Variants in SPTBN2 observed in about 807,000 individuals in gnomAD.
SPTBN2 encodes the protein spectrin beta, non-erythrocytic 2, also known as spectrin beta chain, non-erythrocytic 2.
A neutral mutation model predicts 284.2 loss-of-function variants in SPTBN2; 107 were observed. The observed-to-expected ratio is 0.38, with a 90% confidence interval of 0.32 to 0.44. The LOEUF is 0.44. Among genes scored for constraint, SPTBN2 ranks in the 20% least tolerant of loss-of-function variants. SPTBN2 has a pLI of 1.00. For missense variants in SPTBN2, 2,569 were observed against 3,287.1 expected, an observed-to-expected ratio of 0.78 and a Z score of 5.34; for synonymous variants, 1,289 against 1,354.8, an observed-to-expected ratio of 0.95 and a Z score of 1.07.
chr11:66,704,503 A>G, intron 15 of SPTBN2, 95 bp downstream of exon 15: 1 of 1,395,944 alleles, frequency 7.2e-7, no homozygotes, highest in Non-Finnish European at 9.7e-7. Context: ...CAAAGGGGTG[A>G]GGCAGGAAGT....
At chr11:66,721,552 G>T (rs561480573) in intron 1 of SPTBN2, 112 bp from the exon 2 acceptor site, 40 of 434,084 alleles carry the variant, frequency 9.2e-5, no homozygotes, top group East Asian at 5.0e-5. Context: ...AGAGAGGGAC[G>T]GGTTTGCGGG....
In SPTBN2 at chr11:66,687,099, G is replaced by C; in HGVS notation, c.6791C>G (p.Ala2264Gly). 1.2e-6 allele frequency: 2 copies of C among 1,614,100 alleles called. No homozygotes were observed. Among genetic ancestry groups the C allele is most frequent in the South Asian group, 1.1e-5 (1 of 91,086 alleles). ...SLGFYKDAKA[A>G]SAGVPYHGEV... ...TCCGTGGTATGGCACTCCCGCGCTG[G>C]CTGCCTTGGCATCCTTGTAAAAGCC... The change falls in exon 36 of 38, where the codon GCC (alanine) becomes GGC (glycine). Residue 2264 changes from alanine to glycine, a missense_variant. Ala to Gly is a moderately conservative substitution (Grantham distance 60). Transcript: ENST00000533211. The surrounding 1 kb of genome is among the most constrained non-coding windows in gnomAD (Gnocchi z 5.2).
Position 66,705,202 on chromosome 11 carries a change from C to A in SPTBN2, c.2074G>T (p.Gly692Cys). Residue 692 changes from glycine (G) to cysteine (C), a missense_variant, in exon 15 of 38, where the codon GGC becomes TGC. Coordinates refer to ENST00000533211, the MANE Select transcript of SPTBN2 (RefSeq NM_006946.4). ...GTGAGCTTCAGGGGCCCCAGCCGGC[C>A]GCTCATCTCGCCCCGCAGGGCTGTG... is the stretch of plus-strand genomic sequence containing the variant. The part of the protein sequence containing the change: ...KHTALRGEMS[G>C]RLGPLKLTLE... The A allele has an allele frequency of 6.5e-7, 1 of 1,537,788 alleles. No individual in the cohort carries two copies. Among genetic ancestry groups the A allele is most frequent in the Non-Finnish European group, 8.7e-7 (1 of 1,144,920 alleles).
chr11:66,699,487 A>G lies in SPTBN2; in HGVS notation c.3695T>C (p.Leu1232Pro). ...AGATACCAGCTGGCGGCCAGCCTCC[A>G]GGAGCCCGTGGATCCGTTCCCCATT... ...DANGERIHGL[L>P]EAGRQLVSEG... is the part of the protein sequence containing the mutation. The change falls in exon 18 of 38, where the codon CTG (leucine) becomes CCG (proline). Residue 1232 changes from leucine (L) to proline (P), a missense_variant. By Grantham distance (98) the Leu-to-Pro change is moderately conservative. Coordinates refer to ENST00000533211, the MANE Select transcript of SPTBN2 (RefSeq NM_006946.4). The G allele has an allele frequency of 6.2e-7, 1 of 1,614,158 alleles. No homozygotes were observed. Among genetic ancestry groups the G allele is most frequent in the Non-Finnish European group, 8.5e-7 (1 of 1,180,024 alleles).
chr11:66,692,492 T>C, intron 26 of SPTBN2, 44 bp downstream of exon 26: 1 of 1,596,772 alleles, frequency 6.3e-7, no homozygotes, highest in African/African-American at 1.3e-5. Context: ...GGTCCTCCAC[T>C]CTTCCCACGG....
At chr11:66,741,019 G>A (rs918974051) in intron 1 of SPTBN2, among the ~76,000 whole-genome samples, 1 of 152,164 alleles carries the variant, frequency 6.6e-6, no homozygotes, top group Non-Finnish European at 1.5e-5. Context: ...CCTTGAGTTT[G>A]GGTCAGAATC....
rs1175824152 is a variant in SPTBN2 at position 66,708,866 on chromosome 11, G to C, written c.1191+36C>G. 1.3e-6 allele frequency: 2 copies of C among 1,577,494 alleles called. No individual in the cohort carries two copies. The highest frequency in any genetic ancestry group is 1.7e-6 in the Non-Finnish European group (2 of 1,147,296). ...GTGCAAGGCATCTGGGCCAGGGCCT[G>C]CCCTGAGGGTGGGTGGCCTGTGGGC... is the stretch of plus-strand genomic sequence containing the variant. On this transcript the variant is annotated intron_variant, in intron 11 of 37. Coordinates refer to ENST00000533211, the MANE Select transcript of SPTBN2 (RefSeq NM_006946.4). This position sits in a 1 kb window ranked among gnomAD's most constrained non-coding sequence, Gnocchi z 4.4.
intron 1 of SPTBN2, chr11:66,728,345 G>A (rs1942715417): frequency 6.9e-6 from 1 of 145,600 alleles, no homozygotes; most frequent in South Asian, 2.0e-4. Flanking sequence ...GGCGGCGGCG[G>A]GGCGCGTGGC....
In SPTBN2 at chr11:66,688,296, T is replaced by C. The variant is rs780940474; in HGVS notation, c.6247A>G (p.Lys2083Glu). 13 of 1,600,998 alleles carry C rather than the reference T, an allele frequency of 8.1e-6. No homozygotes were observed. Among genetic ancestry groups the C allele is most frequent in the Non-Finnish European group, 1.0e-5 (12 of 1,173,814 alleles). The stretch of plus-strand genomic sequence containing the variant: ...TCCTCCCTCTTTCTCTTTCGCTCCT[T>C]CTCCCGCTCCTCTAGCTGTCAAAAA... ...EKLTALEERE[K>E]ERKRKREEEE... The change falls in exon 32 of 38, where the codon AAG becomes GAG. Residue 2083 changes from lysine to glutamate, a missense_variant. This residue lies in a region of SPTBN2 where 1,130 missense variants were observed against 1,317.3 expected (regional missense o/e 0.86). Transcript: ENST00000533211.
rs1941772201 is a variant in SPTBN2, at chr11:66,710,030, A to G, written c.1073+552T>C. Among the ~76,000 whole-genome samples the G allele has an allele frequency of 6.6e-6, 1 of 152,164 alleles. No homozygotes were observed. The highest frequency in any genetic ancestry group is 2.4e-5 in the African/African-American group (1 of 41,438). ...CGCACTGACTCAACACATCATAGCA[A>G]TCATTTCCACAGCATGTTTGTTTGT... On this transcript the variant is annotated intron_variant, in intron 10 of 37. Transcript: ENST00000533211. The surrounding 1 kb of genome is among the most constrained non-coding windows in gnomAD (Gnocchi z 4.9).
chr11:66,702,475 G>A (rs1941300467), intron 15 of SPTBN2, among the ~76,000 whole-genome samples: 1 of 152,052 alleles, frequency 6.6e-6, no homozygotes, highest in African/African-American at 2.4e-5. Flanking sequence ...GACATTTGAT[G>A]TTCTAATAGG....
rs886048547 is a variant in SPTBN2, at chr11:66,689,883, C to G, written c.5871G>C (p.Glu1957Asp). 1.9e-6 allele frequency: 3 copies of G among 1,614,208 alleles called. No individual in the cohort carries two copies. Among genetic ancestry groups the G allele is most frequent in the Non-Finnish European group, 2.5e-6 (3 of 1,180,042 alleles). ...KNQQGIKAEI[E>D]ARADRFSSCI... Reference sequence around the variant, plus strand: ...AGGAGGAGAAGCGGTCTGCCCGGGCCTCTATCTCTGCCTTGATGCCTTGCT... The same window carrying G: ...AGGAGGAGAAGCGGTCTGCCCGGGCGTCTATCTCTGCCTTGATGCCTTGCT... The change falls in exon 29 of 38, where the codon GAG becomes GAC. Residue 1957 changes from glutamate to aspartate, a missense_variant. Transcript: ENST00000533211.
chr11:66,714,703 CA>C (rs1942053163), intron 5 of SPTBN2, among the ~76,000 whole-genome samples: 1 of 152,052 alleles, frequency 6.6e-6, no homozygotes, highest in African/African-American at 2.4e-5. Context: ...GCTGGCTCTC[CA>C]AGGTCTCTAA....
intron 1 of SPTBN2, chr11:66,728,470 G>A (rs1287850501): frequency 6.7e-6 from 1 of 150,320 alleles, no homozygotes; most frequent in South Asian, 2.1e-4. Flanking sequence ...TGGAGCCGGC[G>A]GCCCCGCGGG....
upstream of SPTBN2, among the ~76,000 whole-genome samples, chr11:66,730,720 G>A (rs116811770): frequency 3.5e-3 from 534 of 152,132 alleles, 2 homozygotes; most frequent in African/African-American, 0.012. Context: ...AGAAGTCAAG[G>A]GTATTAAGTC....
At chr11:66,701,976 G>A (rs1050717429) in intron 15 of SPTBN2, among the ~76,000 whole-genome samples, 1 of 152,134 alleles carries the variant, frequency 6.6e-6, no homozygotes, top group Non-Finnish European at 1.5e-5. Context: ...TAAAGGTCAG[G>A]AACAGACACA....
intron 3 of SPTBN2, 142 bp downstream of exon 3, chr11:66,720,942 G>A: frequency 8.8e-7 from 1 of 1,135,730 alleles, no homozygotes; most frequent in Middle Eastern, 2.0e-4. Context: ...GCTGGATGTG[G>A]GGACCAGGGA....
Position 66,718,600 on chromosome 11 carries a change from G to A in SPTBN2, c.157+2484C>T, listed in dbSNP as rs7118311. 1.3e-5 allele frequency among the ~76,000 whole-genome samples: 2 copies of A among 152,204 alleles called. No homozygotes were observed. Among genetic ancestry groups the A allele is most frequent in the African/African-American group, 4.8e-5 (2 of 41,446 alleles). ...CATGCAGGCCGTTCCCGTGCACCCT[G>A]CTCACTCCGTTCCCATTCATGCTGC... On this transcript the variant is annotated intron_variant, in intron 3 of 37. Coordinates refer to ENST00000533211, the MANE Select transcript of SPTBN2 (RefSeq NM_006946.4). This position sits in a 1 kb window ranked among gnomAD's most constrained non-coding sequence, Gnocchi z 4.8.
chr11:66,683,474 C>G lies in SPTBN2; in HGVS notation c.*2397G>C, dbSNP rs144836716. Among the ~76,000 whole-genome samples, 2 of 152,196 alleles carry G rather than the reference C, an allele frequency of 1.3e-5. No homozygotes were observed. The highest frequency in any genetic ancestry group is 2.9e-5 in the Non-Finnish European group (2 of 68,036). ...ATAGCCCTCACCGCCCCATTCCATC[C>G]TGTTGTCTTTCCTGGAATTTTTTCT... On this transcript the variant is annotated 3_prime_UTR_variant, in exon 38 of 38. Coordinates refer to ENST00000533211, the MANE Select transcript of SPTBN2 (RefSeq NM_006946.4).
Sources: gnomAD v4.1 joint callset for allele counts (sites outside exome capture counted in the v4.1 genomes callset) on GRCh38, gnomAD v4.1.1 for gene constraint, gnomAD v4.1.1 regional missense constraint, Gnocchi (gnomAD v3.1) non-coding constraint, MANE v1.5 for transcripts, NCBI Gene and HGNC (gene_info 2026-07-23, HGNC 2026-07-21) for gene names.